SCIN: variants seen among roughly 807,000 people sequenced by gnomAD.
The protein encoded by SCIN is adseverin.
A neutral mutation model predicts 91.8 loss-of-function variants in SCIN; 91 were observed. The ratio of observed to expected loss-of-function variants is 0.99; its 90% confidence interval spans 0.84 to 1.18. The LOEUF is 1.18. SCIN is among the 50% of genes most tolerant of loss of function. SCIN has a pLI of 0.00. For synonymous variants in SCIN, 367 were observed against 312.6 expected (o/e 1.17, Z -1.84); for missense variants, 1,087 against 863.9 (o/e 1.26, Z -3.24).
intron 15 of SCIN, 54 bp from the exon 16 acceptor site, chr7:12,652,534 A>G (rs956668702): frequency 1.5e-5 from 23 of 1,517,782 alleles, no homozygotes; most frequent in Admixed American, 8.1e-5. Flanking sequence ...ATCTGCAGTT[A>G]CTTTAGTTTA....
At chr7:12,608,841 C>A (rs1238030392) in intron 4 of SCIN, among the ~76,000 whole-genome samples, 1 of 152,042 alleles carries the variant, frequency 6.6e-6, no homozygotes, top group Admixed American at 6.6e-5. Flanking sequence ...ACTTTAAAAG[C>A]TTTGAAAGTC....
chr7:12,650,563 A>G (rs1784059707), intron 14 of SCIN, among the ~76,000 whole-genome samples: 2 of 152,156 alleles, frequency 1.3e-5, no homozygotes, highest in Admixed American at 6.6e-5. Flanking sequence ...CAAATGTTTC[A>G]GCACTTTCAG....
Position 12,652,897 on chromosome 7 carries a change from T to G in SCIN, c.*182T>G. 3 of 636,008 alleles carry G rather than the reference T, an allele frequency of 4.7e-6. No homozygotes were observed. The highest frequency in any genetic ancestry group is 7.6e-6 in the Non-Finnish European group (3 of 394,134). 39.4% of individuals were successfully genotyped at this position (636,008 alleles called of 1,614,324 possible). A position where few individuals can be genotyped will look rare whatever the true frequency, so the allele number is the denominator to read the frequency against. ...GGTAGGCGGATCACTGGGGTCAGGATTTCGAGACCAGCCTGGCCAACATGG... is the reference window on the plus strand; with the variant it reads ...GGTAGGCGGATCACTGGGGTCAGGAGTTCGAGACCAGCCTGGCCAACATGG... On this transcript the variant is annotated 3_prime_UTR_variant, in exon 16 of 16. Transcript: ENST00000297029.
intron 15 of SCIN, 137 bp from the exon 16 acceptor site, chr7:12,652,451 C>A: frequency 1.3e-6 from 1 of 758,142 alleles, no homozygotes; most frequent in South Asian, 2.0e-5. Flanking sequence ...GAAGAATTTT[C>A]ATTTTCAATG....
chr7:12,608,000 C>T (rs1783113542), intron 4 of SCIN, among the ~76,000 whole-genome samples: 1 of 152,116 alleles, frequency 6.6e-6, no homozygotes, highest in Non-Finnish European at 1.5e-5. Context: ...GTAGCAGGAA[C>T]AGTACTGTGA....
intron 5 of SCIN, 124 bp from the exon 6 acceptor site, chr7:12,624,886 T>A (rs1783479746): frequency 1.2e-6 from 1 of 849,424 alleles, no homozygotes. Flanking sequence ...GCATTTAAAG[T>A]GTACAATTCA....
intron 6 of SCIN, among the ~76,000 whole-genome samples, chr7:12,625,491 G>A (rs1583307318): frequency 9.0e-6 from 1 of 110,714 alleles, no homozygotes; most frequent in Non-Finnish European, 1.8e-5. Flanking sequence ...ACCACGCCCA[G>A]CTAATTTTTT....
intron 4 of SCIN, 121 bp from the exon 5 acceptor site, chr7:12,622,680 G>T: frequency 1.5e-6 from 1 of 687,058 alleles, no homozygotes; most frequent in South Asian, 1.8e-5. Context: ...AGAAGTGTTT[G>T]AGCCTGGTCA....
intron 3 of SCIN, among the ~76,000 whole-genome samples, chr7:12,604,162 GATC>G (rs1783022954): frequency 1.3e-5 from 2 of 152,092 alleles, no homozygotes; most frequent in Admixed American, 1.3e-4. Context: ...TCCATTTTAT[GATC>G]ATCAAGAGTA....
At chr7:12,593,952 A>T (rs149612316) in intron 3 of SCIN, among the ~76,000 whole-genome samples, 1 of 152,362 alleles carries the variant, frequency 6.6e-6, no homozygotes, top group Non-Finnish European at 1.5e-5. Flanking sequence ...TGAGTAAGAT[A>T]TTTAAATTCT....
rs186706027 is a variant in SCIN, at chr7:12,651,204, G to C, written c.1960-637G>C. ...TTATGGGAGGGAGAGAAGAGGCCTG[G>C]CTAGGAAAGATGGTCTTGTTATGGA... On this transcript the variant is annotated intron_variant, in intron 14 of 15. Transcript: ENST00000297029. The surrounding 1 kb of genome is among the most constrained non-coding windows in gnomAD (Gnocchi z 5.9). 7.7e-4 allele frequency among the ~76,000 whole-genome samples: 117 copies of C among 152,306 alleles called. No individual in the cohort carries two copies. The highest frequency in any genetic ancestry group is 2.6e-3 in the African/African-American group (109 of 41,560).
intron 3 of SCIN, among the ~76,000 whole-genome samples, chr7:12,594,406 A>G (rs1447665854): frequency 9.9e-5 from 15 of 152,140 alleles, no homozygotes. Context: ...AAGGGTGGTT[A>G]CGGAGAATGA....
Position 12,652,774 on chromosome 7 carries a change from G to A in SCIN, c.*59G>A. 6 of 1,562,092 alleles carry A rather than the reference G, an allele frequency of 3.8e-6. No homozygotes were observed. The highest frequency in any genetic ancestry group is 5.2e-6 in the Non-Finnish European group (6 of 1,162,088). On this transcript the variant is annotated 3_prime_UTR_variant, in exon 16 of 16. Transcript: ENST00000297029. ...AGGCAGTTATCTCATTGCTGTTTTG[G>A]GAGAGGAACGGGAAAAGCTTTTTGC...
At chr7:12,637,860 G>A (rs200298897) in intron 10 of SCIN, among the ~76,000 whole-genome samples, 1 of 77,280 alleles carries the variant, frequency 1.3e-5, no homozygotes, top group Non-Finnish European at 3.7e-5. Flanking sequence ...TCTATCTAGA[G>A]ACAGATTAAG....
At position 12,656,394 on chromosome 7, in the gene SCIN, A is replaced by C. The variant is rs2115310267; in HGVS notation, c.*3679A>C. 1 of 152,324 alleles carries C rather than the reference A, an allele frequency of 6.6e-6. No homozygotes were observed. The highest frequency in any genetic ancestry group is 1.5e-5 in the Non-Finnish European group (1 of 68,018). 9.4% of individuals were successfully genotyped at this position (152,324 alleles called of 1,614,324 possible). ...TTTTCTTTTAAACCTAATTTATTTT[A>C]AACCTAATTTATTTATTTTAAACCT... On this transcript the variant is annotated 3_prime_UTR_variant, in exon 16 of 16. Transcript: ENST00000297029.
At chr7:12,637,758 T>G (rs1017152995) in intron 10 of SCIN, among the ~76,000 whole-genome samples, 1 of 152,164 alleles carries the variant, frequency 6.6e-6, no homozygotes, top group African/African-American at 2.4e-5. Context: ...CGAGAATGAC[T>G]GAATCCAAAT....
intron 13 of SCIN, 77 bp downstream of exon 13, chr7:12,644,782 G>A (rs1415213499): frequency 2.3e-5 from 33 of 1,417,360 alleles, no homozygotes; most frequent in South Asian, 7.6e-5. Context: ...TTGGGAGGCC[G>A]AGGCAGGCAG....
chr7:12,571,643 A>G (rs1782273609), intron 1 of SCIN: 2 of 453,130 alleles, frequency 4.4e-6, no homozygotes, highest in Non-Finnish European at 9.0e-6. Context: ...AAAAATACAG[A>G]TATTTTATAT....
chr7:12,584,908 C>T (rs1047629), intron 3 of SCIN, among the ~76,000 whole-genome samples: 1 of 152,266 alleles, frequency 6.6e-6, no homozygotes, highest in East Asian at 1.9e-4. Context: ...GGGGTTAACT[C>T]TTGGAAAGAT....
Sources: gnomAD v4.1 joint callset for allele counts (sites outside exome capture counted in the v4.1 genomes callset) on GRCh38, gnomAD v4.1.1 for gene constraint, Gnocchi (gnomAD v3.1) non-coding constraint, MANE v1.5 for transcripts, NCBI Gene and HGNC (gene_info 2026-07-23, HGNC 2026-07-21) for gene names.